KAT6B: variants seen among roughly 807,000 people sequenced by gnomAD.
The protein encoded by KAT6B is lysine acetyltransferase 6B, also known as histone acetyltransferase KAT6B.
In KAT6B, 10 loss-of-function variants were observed where a neutral mutation model predicts 187.5. The observed-to-expected ratio is 0.05, with a 90% CI of 0.03 to 0.09. The LOEUF is 0.09. Among genes scored for constraint, KAT6B ranks in the 10% least tolerant of loss-of-function variants. KAT6B has a pLI of 1.00. For synonymous variants in KAT6B, 861 were observed against 926.8 expected, an observed-to-expected ratio of 0.93 and a Z score of 1.29; for missense variants, 1,952 against 2,558.9, an observed-to-expected ratio of 0.76 and a Z score of 5.12.
Position 75,031,089 on chromosome 10 carries a change from G to C in KAT6B, c.*43G>C. On this transcript the variant is annotated 3_prime_UTR_variant, in exon 18 of 18. Coordinates refer to ENST00000287239, the MANE Select transcript of KAT6B (RefSeq NM_012330.4). ...CAAAACCTACGGGGCATCACTATTGGATTGATCTGCACAAATACCTTTGAA... is the reference window on the plus strand; with the variant it reads ...CAAAACCTACGGGGCATCACTATTGCATTGATCTGCACAAATACCTTTGAA... The C allele has an allele frequency of 1.9e-6, 3 of 1,608,352 alleles. No individual in the cohort carries two copies. Among genetic ancestry groups the C allele is most frequent in the Non-Finnish European group, 2.5e-6 (3 of 1,176,808 alleles).
At chr10:74,913,496 C>T (rs1847403556) in intron 3 of KAT6B, among the ~76,000 whole-genome samples, 1 of 152,318 alleles carries the variant, frequency 6.6e-6, no homozygotes, top group East Asian at 1.9e-4. Context: ...CATTTTTGAG[C>T]TGCCGTTGAC....
chr10:74,899,344 G>A lies in KAT6B; in HGVS notation c.621+55866G>A, dbSNP rs535379292. Among the ~76,000 whole-genome samples, 159 of 150,102 alleles carry A rather than the reference G, an allele frequency of 1.1e-3. 2 individuals carry two copies. In the South Asian group the frequency reaches 0.017, roughly 16 times the overall value. ...GGCTAGAATGCAATGGCGCGATCTC[G>A]GCTCATGCAACTTCTGCCTCTTGGG... On this transcript the variant is annotated intron_variant, in intron 3 of 17. Transcript: ENST00000287239.
chr10:74,939,637 G>A (rs1849522332), intron 3 of KAT6B, among the ~76,000 whole-genome samples: 1 of 152,168 alleles, frequency 6.6e-6, no homozygotes, highest in Admixed American at 6.5e-5. Context: ...CTGACCTTGT[G>A]ATTCGCCCGC....
rs369393639 is a variant in KAT6B at position 75,022,683 on chromosome 10, C to T, written c.3372+452C>T. ...CAGTGGCTCACGCCTGTAATCCCAGCACTTTGGGAGGCCAAGGTGGGCAGA... is the reference window on the plus strand; with the variant it reads ...CAGTGGCTCACGCCTGTAATCCCAGTACTTTGGGAGGCCAAGGTGGGCAGA... On this transcript the variant is annotated intron_variant, in intron 16 of 17. Transcript: ENST00000287239. Among the ~76,000 whole-genome samples the T allele has an allele frequency of 3.9e-5, 6 of 152,360 alleles. No individual in the cohort carries two copies. The East Asian group carries it at 9.6e-4, about 24-fold the overall frequency.
At chr10:74,964,097 C>T (rs1345552102) in intron 4 of KAT6B, among the ~76,000 whole-genome samples, 1 of 152,166 alleles carries the variant, frequency 6.6e-6, no homozygotes, top group African/African-American at 2.4e-5. Context: ...CACCACTGCA[C>T]TCCAGCCTAG....
intron 3 of KAT6B, among the ~76,000 whole-genome samples, chr10:74,933,745 A>G (rs1849040115): frequency 6.6e-6 from 1 of 152,198 alleles, no homozygotes; most frequent in Admixed American, 6.5e-5. Flanking sequence ...ACAATGGCTT[A>G]ATGGAGGAGA....
chr10:74,875,549 T>C (rs1191788852), intron 3 of KAT6B, among the ~76,000 whole-genome samples: 1 of 149,738 alleles, frequency 6.7e-6, no homozygotes, highest in Non-Finnish European at 1.5e-5. Flanking sequence ...CATGGCAACC[T>C]CCACTTCTTG....
At chr10:74,830,741 TATATATATATATATATATATATATATA>T (rs1402899798) in intron 1 of KAT6B, among the ~76,000 whole-genome samples, 6 of 17,082 alleles carry the variant, frequency 3.5e-4, no homozygotes, top group African/African-American at 2.6e-3. Context: ...CATATATATA[TATATATATATATATATATATATATATA>T]TTTTTTTTTT....
At chr10:74,970,688 T>A (rs1004787865) in intron 6 of KAT6B, among the ~76,000 whole-genome samples, 1 of 152,208 alleles carries the variant, frequency 6.6e-6, no homozygotes, top group African/African-American at 2.4e-5. Context: ...TAACTTTGCC[T>A]TTTTATTATA....
At chr10:74,899,635 G>A (rs781284958) in intron 3 of KAT6B, among the ~76,000 whole-genome samples, 2 of 152,056 alleles carry the variant, frequency 1.3e-5, no homozygotes, top group African/African-American at 4.8e-5. Flanking sequence ...TTTTTCCTTA[G>A]CCTGCAGTGT....
chr10:74,989,006 C>T lies in KAT6B; in HGVS notation c.2536-13C>T. ...GGGCTCTGACATACTTGATCTGTTT[C>T]TCCTTCCCTCAGGAAAAGCTTTGCC... On this transcript the variant is annotated splice_polypyrimidine_tract_variant and intron_variant, in intron 12 of 17. Coordinates refer to ENST00000287239, the MANE Select transcript of KAT6B (RefSeq NM_012330.4). 6 of 1,588,078 alleles carry T rather than the reference C, an allele frequency of 3.8e-6. No individual in the cohort carries two copies. The highest frequency in any genetic ancestry group is 2.2e-5 in the South Asian group (2 of 90,506).
chr10:75,016,165 A>G (rs1844962581), intron 13 of KAT6B, among the ~76,000 whole-genome samples: 3 of 152,216 alleles, frequency 2.0e-5, no homozygotes, highest in African/African-American at 4.8e-5. Context: ...TCCTTATCCT[A>G]ATAGATCTGT....
At chr10:74,903,333 G>C (rs1022205757) in intron 3 of KAT6B, among the ~76,000 whole-genome samples, 1 of 152,208 alleles carries the variant, frequency 6.6e-6, no homozygotes, top group Non-Finnish European at 1.5e-5. Context: ...TTGCTTGGCA[G>C]AGGGAGACTA....
chr10:74,959,035 TATAAATAAATAAATAA>T (rs10652616), intron 3 of KAT6B, among the ~76,000 whole-genome samples: 5 of 144,508 alleles, frequency 3.5e-5, no homozygotes, highest in Non-Finnish European at 6.0e-5. Context: ...AGACTCTGTC[TATAAATAAATAAATAA>T]ATAAATAAAT....
chr10:74,869,938 G>T (rs942413078), intron 3 of KAT6B, among the ~76,000 whole-genome samples: 9 of 152,146 alleles, frequency 5.9e-5, no homozygotes, highest in African/African-American at 2.2e-4. Flanking sequence ...GGAGACACAT[G>T]ACATATATTT....
At chr10:74,882,654 T>C (rs1167829728) in intron 3 of KAT6B, among the ~76,000 whole-genome samples, 4 of 152,262 alleles carry the variant, frequency 2.6e-5, no homozygotes, top group Non-Finnish European at 5.9e-5. Flanking sequence ...AGAGATGCTG[T>C]AGCCAGCATG....
chr10:74,830,750 A>ATATATG (rs1554912266), intron 1 of KAT6B, among the ~76,000 whole-genome samples: 14 of 20,724 alleles, frequency 6.8e-4, no homozygotes, highest in African/African-American at 5.0e-3. Context: ...ATATATATAT[A>ATATATG]TATATATATA....
chr10:74,984,942 C>A, intron 11 of KAT6B, 138 bp from the exon 12 acceptor site: 1 of 794,010 alleles, frequency 1.3e-6, no homozygotes, highest in Non-Finnish European at 2.1e-6. Context: ...GCTGTACTTG[C>A]TTAATAGAGT....
intron 3 of KAT6B, among the ~76,000 whole-genome samples, chr10:74,958,857 G>A (rs1253335158): frequency 6.6e-6 from 1 of 151,798 alleles, no homozygotes; most frequent in Non-Finnish European, 1.5e-5. Flanking sequence ...GACCAACATG[G>A]TGAAACCCCA....
Sources: gnomAD v4.1 joint callset for allele counts (sites outside exome capture counted in the v4.1 genomes callset) on GRCh38, gnomAD v4.1.1 for gene constraint, MANE v1.5 for transcripts, NCBI Gene and HGNC (gene_info 2026-07-23, HGNC 2026-07-21) for gene names.